GDAP1: variants seen among roughly 807,000 people sequenced by gnomAD.
GDAP1 encodes the protein ganglioside-induced differentiation-associated protein 1.
Under a neutral mutation model 40.1 loss-of-function variants are expected in GDAP1, and 34 were observed. The ratio of observed to expected loss-of-function variants is 0.85; its 90% CI spans 0.64 to 1.13. The LOEUF (loss-of-function observed/expected upper bound fraction) is 1.13, where lower values mean the gene tolerates loss of function less well. Ranked by LOEUF, GDAP1 falls within the 50% of genes most tolerant of loss-of-function variation. The pLI is 0.00. For synonymous variants in GDAP1, 170 were observed against 157.4 expected, an observed-to-expected ratio of 1.08 and a Z score of -0.60; for missense variants, 374 against 433.7, an observed-to-expected ratio of 0.86 and a Z score of 1.22.
In GDAP1 at chr8:74,365,295, A is replaced by AAG. The variant is rs1192998549; in HGVS notation, c.*930_*931dup. The stretch of plus-strand genomic sequence containing the variant: ...TTTCATCTGTTTATGATCATCAACA[A>AAG]AGACTTGTTAGAAAGGTCTAGTCTT... On this transcript the variant is annotated 3_prime_UTR_variant, in exon 6 of 6. Transcript: ENST00000220822. 2 of 454,144 alleles carry AAG rather than the reference A, an allele frequency of 4.4e-6. No homozygotes were observed. Among genetic ancestry groups the AAG allele is most frequent in the Non-Finnish European group, 8.8e-6 (2 of 226,794 alleles). The allele number at this position is 454,144 out of a possible 1,614,324, so 28.1% of individuals were successfully genotyped here.
At chr8:74,461,213 A>C (rs950680674) in intron 2 of GDAP1, among the ~76,000 whole-genome samples, 6 of 152,172 alleles carry the variant, frequency 3.9e-5, no homozygotes, top group Admixed American at 2.6e-4. Context: ...TAGGCACAGG[A>C]GCATGCTGAG....
downstream of GDAP1, among the ~76,000 whole-genome samples, chr8:74,368,872 G>C (rs953751299): frequency 2.0e-5 from 3 of 152,114 alleles, no homozygotes; most frequent in Non-Finnish European, 4.4e-5. Flanking sequence ...TGCCTGTAGT[G>C]CTCCCCACCC....
chr8:74,401,572 C>G (rs977414239), intron 2 of GDAP1, among the ~76,000 whole-genome samples: 2 of 149,616 alleles, frequency 1.3e-5, no homozygotes, highest in African/African-American at 2.6e-5. Flanking sequence ...CATTCTCCGT[C>G]CAGCTTTGTT....
intron 2 of GDAP1, among the ~76,000 whole-genome samples, chr8:74,441,589 A>G (rs2131572172): frequency 6.6e-6 from 1 of 152,332 alleles, no homozygotes; most frequent in African/African-American, 2.4e-5. Context: ...AAATTGGCAT[A>G]AACTTTGTAA....
At chr8:74,425,788 TG>T (rs1407380909) in intron 2 of GDAP1, among the ~76,000 whole-genome samples, 2 of 152,216 alleles carry the variant, frequency 1.3e-5, no homozygotes, top group Non-Finnish European at 2.9e-5. Context: ...AGGATGATGG[TG>T]AAGCCTGTAG....
At chr8:74,424,827 TG>T (rs1431465168) in intron 2 of GDAP1, among the ~76,000 whole-genome samples, 1 of 152,200 alleles carries the variant, frequency 6.6e-6, no homozygotes, top group Non-Finnish European at 1.5e-5. Context: ...TGGATTATAT[TG>T]ATCAACATCT....
chr8:74,374,149 T>C (rs1172923789), intron 2 of GDAP1, among the ~76,000 whole-genome samples: 1 of 152,200 alleles, frequency 6.6e-6, no homozygotes, highest in East Asian at 1.9e-4. Context: ...TGCTGCTGAA[T>C]TCGGTTTGCC....
intron 2 of GDAP1, among the ~76,000 whole-genome samples, chr8:74,391,029 C>A (rs1392426646): frequency 6.6e-6 from 1 of 152,142 alleles, no homozygotes; most frequent in Non-Finnish European, 1.5e-5. Flanking sequence ...GGACACCCCT[C>A]GCCCCACCAA....
At chr8:74,449,087 A>T (rs1806266877) in intron 2 of GDAP1, among the ~76,000 whole-genome samples, 2 of 152,002 alleles carry the variant, frequency 1.3e-5, no homozygotes, top group Non-Finnish European at 2.9e-5. Flanking sequence ...GTCTTCCAGT[A>T]TCTTTTATTA....
chr8:74,475,003 T>C (rs1806607647), intron 2 of GDAP1, among the ~76,000 whole-genome samples: 3 of 152,164 alleles, frequency 2.0e-5, no homozygotes. Context: ...TGGTTCAGTA[T>C]TGGGACAGTT....
intron 2 of GDAP1, among the ~76,000 whole-genome samples, chr8:74,414,609 T>C (rs1455207661): frequency 6.8e-6 from 1 of 147,546 alleles, no homozygotes; most frequent in African/African-American, 2.6e-5. Flanking sequence ...TTATCCAATT[T>C]GAACAAGAGA....
At chr8:74,431,954 T>A (rs1330749830) in intron 2 of GDAP1, among the ~76,000 whole-genome samples, 4 of 152,196 alleles carry the variant, frequency 2.6e-5, no homozygotes, top group African/African-American at 9.7e-5. Context: ...CCTCATAGGA[T>A]TCTTGAGGCA....
chr8:74,388,154 T>C (rs1810053181), intron 2 of GDAP1, among the ~76,000 whole-genome samples: 1 of 152,072 alleles, frequency 6.6e-6, no homozygotes, highest in South Asian at 2.1e-4. Context: ...CTTTGAAGGG[T>C]TTTTCGTGTC....
At chr8:74,443,976 GTCTGTCTA>G (rs1030806446) in intron 2 of GDAP1, among the ~76,000 whole-genome samples, 5 of 130,808 alleles carry the variant, frequency 3.8e-5, no homozygotes, top group Admixed American at 8.1e-5. Context: ...TATTCTTTCT[GTCTGTCTA>G]TCTATCTATC....
intron 4 of GDAP1, among the ~76,000 whole-genome samples, 149 bp from the exon 5 acceptor site, chr8:74,362,784 CTTTTTT>C (rs1284434868): frequency 2.5e-4 from 15 of 60,452 alleles, no homozygotes; most frequent in Admixed American, 2.4e-3. Flanking sequence ...CTCTCTCTCT[CTTTTTT>C]TTTTTTTTTT....
At chr8:74,408,485 G>A (rs1805668738) in intron 2 of GDAP1, among the ~76,000 whole-genome samples, 1 of 149,976 alleles carries the variant, frequency 6.7e-6, no homozygotes, top group South Asian at 2.1e-4. Context: ...TATAAAAGAG[G>A]CTTCAGAGAG....
chr8:74,473,189 A>C (rs967533391), intron 2 of GDAP1, among the ~76,000 whole-genome samples: 23 of 151,988 alleles, frequency 1.5e-4, no homozygotes, highest in African/African-American at 5.6e-4. Context: ...TAGATGGTGA[A>C]TATTAGACCT....
chr8:74,465,184 G>A (rs576384008), intron 2 of GDAP1, among the ~76,000 whole-genome samples: 2 of 152,112 alleles, frequency 1.3e-5, no homozygotes, highest in African/African-American at 2.4e-5. Context: ...AGCACCACTT[G>A]CACTCCAGCC....
chr8:74,431,470 CTTATTTATTTAT>C (rs147759233), intron 2 of GDAP1, among the ~76,000 whole-genome samples: 1 of 149,430 alleles, frequency 6.7e-6, no homozygotes, highest in Non-Finnish European at 1.5e-5. Flanking sequence ...AAAATTCTTT[CTTATTTATTTAT>C]TTATTTATTT....
Sources: allele counts gnomAD v4.1 joint callset (sites outside exome capture counted in the v4.1 genomes callset), GRCh38; gene constraint gnomAD v4.1.1; transcripts MANE v1.5; gene names NCBI Gene and HGNC (gene_info 2026-07-23, HGNC 2026-07-21).